ARHGEF6: variants seen among roughly 807,000 people sequenced by gnomAD.
ARHGEF6 encodes rho guanine nucleotide exchange factor 6.
In ARHGEF6, 9 loss-of-function variants were observed where a neutral mutation model predicts 70.3. That is an observed-to-expected ratio of 0.13 (90% CI 0.08 to 0.22). The LOEUF (loss-of-function observed/expected upper bound fraction) is 0.22. Ranked by LOEUF, ARHGEF6 falls within the 10% of genes least tolerant of loss-of-function variation. ARHGEF6 has a pLI of 1.00. For missense variants in ARHGEF6, 470 were observed against 563.0 expected (o/e 0.83, Z 1.67); for synonymous variants, 201 against 207.8 (o/e 0.97, Z 0.28).
intron 19 of ARHGEF6, among the ~76,000 whole-genome samples, chrX:136,673,139 A>G: frequency 8.9e-6 from 1 of 112,677 alleles, no homozygotes; most frequent in African/African-American, 3.2e-5. Flanking sequence ...TTTATGAGGT[A>G]TGATAAGCAA....
At chrX:136,678,944 G>C (rs763968649) in intron 16 of ARHGEF6, among the ~76,000 whole-genome samples, 1 of 110,222 alleles carries the variant, frequency 9.1e-6, no homozygotes, top group Admixed American at 9.6e-5. Flanking sequence ...GCAACTTTGA[G>C]AGAAAAAAAA....
At chrX:136,689,608 C>T (rs1001328728) in intron 10 of ARHGEF6, among the ~76,000 whole-genome samples, 6 of 112,136 alleles carry the variant, frequency 5.4e-5, no homozygotes, top group South Asian at 3.7e-4. Context: ...CTCCCCACTG[C>T]CTCCGGCTTT....
intron 2 of ARHGEF6, among the ~76,000 whole-genome samples, chrX:136,757,679 C>T (rs181119198): frequency 1.3e-3 from 142 of 112,136 alleles, no homozygotes; most frequent in African/African-American, 4.6e-3. Flanking sequence ...TTTCTGAATT[C>T]CTCTTGCATT....
At position 136,760,114 on chromosome X, in the gene ARHGEF6, T is replaced by C. The variant is rs982006365; in HGVS notation, c.250-12522A>G. On this transcript the variant is annotated intron_variant, in intron 2 of 21. Transcript: ENST00000250617. ...AGCAGAGGAAGTGCCATTGCCCATG[T>C]TGAAATGCAGATACAGAGTAGCTTC... is the stretch of plus-strand genomic sequence containing the variant. Among the ~76,000 whole-genome samples the C allele has an allele frequency of 5.3e-5, 6 of 112,443 alleles. No individual in the cohort carries two copies. In the East Asian group the frequency reaches 8.3e-4, roughly 16 times the overall value.
chrX:136,761,026 C>G (rs1341567287), intron 2 of ARHGEF6, among the ~76,000 whole-genome samples: 1 of 112,281 alleles, frequency 8.9e-6, no homozygotes, highest in Non-Finnish European at 1.9e-5. Flanking sequence ...TCCATCCAAA[C>G]TGTTTCTATT....
At chrX:136,674,771 A>G (rs1190814144) in intron 19 of ARHGEF6, among the ~76,000 whole-genome samples, 1 of 110,931 alleles carries the variant, frequency 9.0e-6, no homozygotes, top group African/African-American at 3.3e-5. Context: ...ATCACCTCCA[A>G]CTCTTTTACT....
chrX:136,686,544 C>T (rs1320714435), intron 11 of ARHGEF6, among the ~76,000 whole-genome samples: 1 of 95,371 alleles, frequency 1.0e-5, no homozygotes, highest in Non-Finnish European at 2.1e-5. Flanking sequence ...TTTGCCAACA[C>T]TATGTGGGGT....
At chrX:136,704,646 G>A (rs981862001) in intron 9 of ARHGEF6, among the ~76,000 whole-genome samples, 3 of 111,763 alleles carry the variant, frequency 2.7e-5, no homozygotes, top group South Asian at 3.7e-4. Context: ...GAGCAAGAGC[G>A]ACGGGGGAAG....
chrX:136,722,338 A>G (rs1455662522), intron 6 of ARHGEF6, among the ~76,000 whole-genome samples: 1 of 112,412 alleles, frequency 8.9e-6, no homozygotes, highest in Non-Finnish European at 1.9e-5. Context: ...CATCAAAATT[A>G]AAAACTTTTG....
intron 5 of ARHGEF6, among the ~76,000 whole-genome samples, chrX:136,742,730 C>G (rs370946364): frequency 9.0e-6 from 1 of 111,570 alleles, no homozygotes; most frequent in Admixed American, 9.5e-5. Context: ...ATCCCAGCAC[C>G]GTGGGAGGCC....
rs1479202674 is a variant in ARHGEF6 at position 136,708,718 on chromosome X, T to C, written c.880A>G (p.Thr294Ala). The change falls in exon 8 of 22, where the codon ACA becomes GCA. Residue 294 changes from threonine (T) to alanine (A), a missense_variant. Around this residue, in one of 3 missense-constraint regions of ARHGEF6, gnomAD observed 379 missense variants for 449.3 expected, o/e 0.84. Coordinates refer to ENST00000250617, the MANE Select transcript of ARHGEF6 (RefSeq NM_004840.3). ...SLLGNFEEVC[T>A]FQQTLCQALE... Reference sequence around the variant, plus strand: ...GCTTGGCAGAGTGTCTGTTGAAATGTGCATACTTCCTCGAAGTTTCCCAGT... The same window carrying C: ...GCTTGGCAGAGTGTCTGTTGAAATGCGCATACTTCCTCGAAGTTTCCCAGT... 8.3e-7 allele frequency: 1 copy of C among 1,207,964 alleles called. No homozygotes were observed. The highest frequency in any genetic ancestry group is 2.2e-5 in the Admixed American group (1 of 45,983).
At chrX:136,703,663 C>T (rs997278172) in intron 9 of ARHGEF6, among the ~76,000 whole-genome samples, 15 of 112,202 alleles carry the variant, frequency 1.3e-4, no homozygotes, top group Non-Finnish European at 2.3e-4. Context: ...GCTGGGATTA[C>T]AGCCATGTGC....
chrX:136,697,995 G>A (rs2076529548), intron 9 of ARHGEF6, among the ~76,000 whole-genome samples: 2 of 112,024 alleles, frequency 1.8e-5, no homozygotes, highest in South Asian at 7.4e-4. Flanking sequence ...GCTTAAAGAA[G>A]TAAAGGAAGC....
chrX:136,686,661 CAT>C lies in ARHGEF6; in HGVS notation c.1246-840_1246-839del, dbSNP rs1353301483. 1.5e-4 allele frequency among the ~76,000 whole-genome samples: 10 copies of C among 66,057 alleles called. No individual in the cohort carries two copies. The South Asian group carries it at 2.1e-3, about 14-fold the overall frequency. 57.4% of individuals were successfully genotyped at this position (66,057 alleles called of 115,157 possible). On this transcript the variant is annotated intron_variant, in intron 11 of 21. Coordinates refer to ENST00000250617, the MANE Select transcript of ARHGEF6 (RefSeq NM_004840.3). ...ATATATACACACATATATATATACA[CAT>C]GTGTATATATATATACACATATATA...
At chrX:136,776,675 C>A (rs2080237968) in intron 2 of ARHGEF6, among the ~76,000 whole-genome samples, 1 of 110,702 alleles carries the variant, frequency 9.0e-6, no homozygotes, top group African/African-American at 3.3e-5. Context: ...ACCAAGAACT[C>A]AAAAACAAAG....
intron 11 of ARHGEF6, 93 bp from the exon 12 acceptor site, chrX:136,685,916 T>G: frequency 1.0e-6 from 1 of 977,829 alleles, no homozygotes; most frequent in South Asian, 2.0e-5. Flanking sequence ...GACTCTTTGG[T>G]TCCCACTGAG....
intron 5 of ARHGEF6, among the ~76,000 whole-genome samples, chrX:136,735,531 T>C (rs2076977048): frequency 3.6e-5 from 4 of 110,696 alleles, no homozygotes; most frequent in African/African-American, 9.9e-5. Flanking sequence ...ACATTTTAGG[T>C]GGTGTTCTAA....
intron 2 of ARHGEF6, among the ~76,000 whole-genome samples, chrX:136,761,769 G>A (rs908996578): frequency 8.9e-6 from 1 of 112,154 alleles, no homozygotes; most frequent in Non-Finnish European, 1.9e-5. Context: ...AGTGGTCTCT[G>A]CCGAATAGAG....
chrX:136,708,853 A>C, intron 7 of ARHGEF6, 83 bp from the exon 8 acceptor site: 1 of 682,055 alleles, frequency 1.5e-6, no homozygotes. Flanking sequence ...AATAAAAGGG[A>C]GGTAATACCT....
Sources: allele counts gnomAD v4.1 joint callset (sites outside exome capture counted in the v4.1 genomes callset), GRCh38; gene constraint gnomAD v4.1.1; regional missense constraint gnomAD v4.1.1; transcripts MANE v1.5; gene names NCBI Gene and HGNC (gene_info 2026-07-23, HGNC 2026-07-21).